Variants in PCDHGB6 observed in about 807,000 individuals in gnomAD.
PCDHGB6 encodes the protein protocadherin gamma subfamily B, 6.
PCDHGB6 carries 51 observed loss-of-function variants against 59.1 expected under a neutral mutation model. The observed-to-expected ratio is 0.86, with a 90% CI of 0.69 to 1.09. The LOEUF is 1.09. Ranked by LOEUF, PCDHGB6 falls within the 50% of genes least tolerant of loss-of-function variation. PCDHGB6 has a pLI of 0.00. For missense variants in PCDHGB6, 1,148 were observed against 1,205.1 expected (o/e 0.95, Z 0.70); for synonymous variants, 466 against 495.1 (o/e 0.94, Z 0.78).
chr5:141,438,337 T>C (rs935624931), intron 1 of PCDHGB6, among the ~76,000 whole-genome samples: 25 of 151,926 alleles, frequency 1.6e-4, no homozygotes, highest in Non-Finnish European at 1.9e-4. Context: ...ACATGTCATA[T>C]AAGGATCTAC....
intron 1 of PCDHGB6, among the ~76,000 whole-genome samples, chr5:141,438,623 T>C (rs1485045684): frequency 2.3e-4 from 10 of 42,840 alleles, no homozygotes; most frequent in Non-Finnish European, 3.8e-4. Flanking sequence ...TATATATATA[T>C]ATATATATAT....
At chr5:141,421,973 G>C in intron 1 of PCDHGB6, 1 of 1,610,100 alleles carries the variant, frequency 6.2e-7, no homozygotes, top group Non-Finnish European at 8.5e-7. Context: ...TCCGTATATC[G>C]CGTGAGTGTT....
rs767107885 is a variant in PCDHGB6, at chr5:141,423,138, C to T, written c.2418+12518C>T. ...CAGCGCGGGCACTGCTGGACAGAGA[C>T]GCGCTCAAGCAGAGCCTCGTGGTGG... On this transcript the variant is annotated intron_variant, in intron 1 of 3. Transcript: ENST00000520790. 2.5e-6 allele frequency: 4 copies of T among 1,613,606 alleles called. 1 individual carries two copies. The highest frequency in any genetic ancestry group is 3.4e-6 in the Non-Finnish European group (4 of 1,179,912).
chr5:141,482,126 A>G (rs1235540230), intron 1 of PCDHGB6, among the ~76,000 whole-genome samples: 1 of 152,004 alleles, frequency 6.6e-6, no homozygotes, highest in Non-Finnish European at 1.5e-5. Flanking sequence ...TGGGAGAATC[A>G]TATGGCTGGC....
rs1385557537 is a variant in PCDHGB6 at position 141,415,739 on chromosome 5, GGTT to G, written c.2418+5120_2418+5122del. 2.0e-4 allele frequency: 88 copies of G among 435,112 alleles called. 2 individuals are homozygous for G. In the African/African-American group the frequency reaches 2.4e-3, roughly 12 times the overall value. 27.0% of individuals were successfully genotyped at this position (435,112 alleles called of 1,614,324 possible). A position where few individuals can be genotyped will look rare whatever the true frequency, so the allele number is the denominator to read the frequency against. On this transcript the variant is annotated intron_variant, in intron 1 of 3. Coordinates refer to ENST00000520790, the MANE Select transcript of PCDHGB6 (RefSeq NM_018926.3). ...ATGAGTAGAATTTGATGTTTATTAA[GGTT>G]TTTTTTTTTTTTTTTTTTTTTTTTT...
chr5:141,427,193 CTT>C (rs2096998045), intron 1 of PCDHGB6: 3 of 456,614 alleles, frequency 6.6e-6, no homozygotes, highest in Non-Finnish European at 8.8e-6. Context: ...AATCCAAAGA[CTT>C]AATAGACTTC....
chr5:141,414,855 C>G, intron 1 of PCDHGB6: 1 of 1,614,238 alleles, frequency 6.2e-7, no homozygotes, highest in South Asian at 1.1e-5. Flanking sequence ...TGGACCAGAA[C>G]GACAATGCGC....
intron 1 of PCDHGB6, among the ~76,000 whole-genome samples, chr5:141,439,043 G>T (rs1688170264): frequency 6.6e-6 from 1 of 151,346 alleles, no homozygotes; most frequent in Non-Finnish European, 1.5e-5. Flanking sequence ...CAGTTCATAA[G>T]ATTTCCATAT....
intron 1 of PCDHGB6, chr5:141,478,272 A>G: frequency 6.2e-7 from 1 of 1,614,160 alleles, no homozygotes; most frequent in Non-Finnish European, 8.5e-7. Context: ...AAAGTTTACA[A>G]GTGGAAGCAG....
rs1213653891 is a variant in PCDHGB6 at position 141,419,687 on chromosome 5, C to T, written c.2418+9067C>T. 1.9e-6 allele frequency: 3 copies of T among 1,612,692 alleles called. No individual in the cohort carries two copies. In the African/African-American group the frequency reaches 4.0e-5, roughly 22 times the overall value. On this transcript the variant is annotated intron_variant, in intron 1 of 3. Transcript: ENST00000520790. ...TGCCTGGCTGTCCTACCACGTGGTG[C>T]AGGCCAGTGAGCCCGGGCTCTTCAG...
chr5:141,420,255 A>G lies in PCDHGB6; in HGVS notation c.2418+9635A>G, dbSNP rs917458059. The G allele has an allele frequency of 7.6e-6, 12 of 1,569,630 alleles. No homozygotes were observed. Among genetic ancestry groups the G allele is most frequent in the African/African-American group, 1.4e-5 (1 of 73,152 alleles). ...ATTTTAACTCCCAGCGTTGAAGCAG[A>G]TAAGAAGATTCTTAAACAGGTAAGT... is the stretch of plus-strand genomic sequence containing the variant. On this transcript the variant is annotated intron_variant, in intron 1 of 3. Coordinates refer to ENST00000520790, the MANE Select transcript of PCDHGB6 (RefSeq NM_018926.3).
At chr5:141,415,739 GGTTTTTTTT>G in intron 1 of PCDHGB6, 5 of 434,942 alleles carry the variant, frequency 1.1e-5, no homozygotes, top group African/African-American at 9.8e-5. Context: ...TGTTTATTAA[GGTTTTTTTT>G]TTTTTTTTTT....
rs1011341002 is a variant in PCDHGB6, at chr5:141,476,141, G to T, written c.2419-18666G>T. 1 of 1,610,048 alleles carries T rather than the reference G, an allele frequency of 6.2e-7. No individual in the cohort carries two copies. The highest frequency in any genetic ancestry group is 2.2e-5 in the East Asian group (1 of 44,844). On this transcript the variant is annotated intron_variant, in intron 1 of 3. Coordinates refer to ENST00000520790, the MANE Select transcript of PCDHGB6 (RefSeq NM_018926.3). The surrounding 1 kb of genome is among the most constrained non-coding windows in gnomAD (Gnocchi z 7.6). ...GATGGTCCCAGAGGCCTGGAGGAGC[G>T]GACTGGTAAGCACCGGGAGGGTAGT...
intron 1 of PCDHGB6, chr5:141,421,637 A>T: frequency 6.2e-7 from 1 of 1,613,810 alleles, no homozygotes; most frequent in Non-Finnish European, 8.5e-7. Flanking sequence ...TTCCAGGAGG[A>T]CGAAGTGGAG....
At chr5:141,426,231 C>A in intron 1 of PCDHGB6, 1 of 158,042 alleles carries the variant, frequency 6.3e-6, no homozygotes, top group Non-Finnish European at 1.4e-5. Flanking sequence ...ATTTTAAAAG[C>A]ACTTTGTGAA....
At chr5:141,483,258 T>G (rs2099579023) in intron 1 of PCDHGB6, among the ~76,000 whole-genome samples, 1 of 137,930 alleles carries the variant, frequency 7.3e-6, no homozygotes, top group South Asian at 2.1e-4. Flanking sequence ...TCATGAGGTT[T>G]TTTTGTTTTA....
At chr5:141,510,402 G>A (rs2099880998) in intron 3 of PCDHGB6, among the ~76,000 whole-genome samples, 1 of 152,008 alleles carries the variant, frequency 6.6e-6, no homozygotes, top group African/African-American at 2.4e-5. Flanking sequence ...GCAAAGGCTA[G>A]GGGCATGTAA....
Position 141,489,527 on chromosome 5 carries a change from G to A in PCDHGB6, c.2419-5280G>A. On this transcript the variant is annotated intron_variant, in intron 1 of 3. Coordinates refer to ENST00000520790, the MANE Select transcript of PCDHGB6 (RefSeq NM_018926.3). The surrounding 1 kb of genome is among the most constrained non-coding windows in gnomAD (Gnocchi z 4.5). The stretch of plus-strand genomic sequence containing the variant: ...CAAAAGATTGACCGAGAAAGCCTAT[G>A]TGGAGCCAGCACCAGCTGCCTGCTG... The A allele has an allele frequency of 1.9e-6, 3 of 1,614,152 alleles. No individual in the cohort carries two copies. Among genetic ancestry groups the A allele is most frequent in the East Asian group, 2.2e-5 (1 of 44,874 alleles).
chr5:141,434,964 T>C (rs2154556462), intron 1 of PCDHGB6, among the ~76,000 whole-genome samples: 1 of 152,004 alleles, frequency 6.6e-6, no homozygotes, highest in East Asian at 1.9e-4. Context: ...ATTTATAAAA[T>C]TACTTTGTTA....
Sources: allele counts gnomAD v4.1 joint callset (sites outside exome capture counted in the v4.1 genomes callset), GRCh38; gene constraint gnomAD v4.1.1; non-coding constraint Gnocchi (gnomAD v3.1); transcripts MANE v1.5; gene names NCBI Gene and HGNC (gene_info 2026-07-23, HGNC 2026-07-21).